HSDL2: variants seen among roughly 807,000 people sequenced by gnomAD.
HSDL2 encodes the protein hydroxysteroid dehydrogenase-like protein 2.
HSDL2 carries 27 observed loss-of-function variants against 46.3 expected under a neutral mutation model. The ratio of observed to expected loss-of-function variants is 0.58; its 90% CI spans 0.43 to 0.80. The LOEUF (loss-of-function observed/expected upper bound fraction) is 0.80. HSDL2 is among the 30% of genes least tolerant of loss of function. The pLI, the probability that HSDL2 is intolerant of heterozygous loss-of-function variation, is 0.00. For synonymous variants in HSDL2, 153 were observed against 163.6 expected (o/e 0.94, Z 0.50); for missense variants, 451 against 502.7 (o/e 0.90, Z 0.98).
At chr9:112,445,421 T>C (rs561133158) in intron 8 of HSDL2, among the ~76,000 whole-genome samples, 7 of 152,340 alleles carry the variant, frequency 4.6e-5, no homozygotes, top group Middle Eastern at 3.4e-3. Flanking sequence ...AATGGTTAAT[T>C]TGCTATGGTG....
intron 2 of HSDL2, among the ~76,000 whole-genome samples, chr9:112,405,242 C>T (rs1831698448): frequency 6.6e-6 from 1 of 152,122 alleles, no homozygotes; most frequent in Admixed American, 6.5e-5. Flanking sequence ...GTCCCAGCTA[C>T]TTGGGAAGCT....
intron 6 of HSDL2, among the ~76,000 whole-genome samples, chr9:112,427,041 A>T (rs946081162): frequency 1.3e-5 from 2 of 151,738 alleles, no homozygotes; most frequent in Non-Finnish European, 1.5e-5. Context: ...TTATATTATT[A>T]ATTAATTAAT....
intron 8 of HSDL2, among the ~76,000 whole-genome samples, chr9:112,452,522 G>A (rs144529793): frequency 0.011 from 1,698 of 152,252 alleles, 70 homozygotes; most frequent in East Asian, 0.091. Context: ...CAATGTGGGT[G>A]GATCACCTGA....
chr9:112,411,518 T>C (rs1377003834), intron 4 of HSDL2, among the ~76,000 whole-genome samples: 2 of 152,010 alleles, frequency 1.3e-5, no homozygotes, highest in African/African-American at 4.8e-5. Flanking sequence ...CTACTAAAAA[T>C]ACAAAAAATT....
chr9:112,392,154 G>A (rs1301225012), intron 1 of HSDL2, among the ~76,000 whole-genome samples: 6 of 152,166 alleles, frequency 3.9e-5, no homozygotes, highest in Admixed American at 3.3e-4. Context: ...AAAAGAGGGG[G>A]AGGTGTAAGA....
chr9:112,456,097 G>C (rs1833014862), intron 9 of HSDL2, among the ~76,000 whole-genome samples: 1 of 152,132 alleles, frequency 6.6e-6, no homozygotes, highest in African/African-American at 2.4e-5. Context: ...GCCTTCTCAG[G>C]AATTTTGTGC....
chr9:112,436,960 CTTTTTTTTTTT>C (rs780957603), intron 6 of HSDL2, among the ~76,000 whole-genome samples: 15 of 126,782 alleles, frequency 1.2e-4, no homozygotes, highest in African/African-American at 4.5e-4. Context: ...TTCTTTTTTT[CTTTTTTTTTTT>C]TTTTTTGAGA....
At chr9:112,398,705 CCAAA>C (rs902890220) in intron 1 of HSDL2, among the ~76,000 whole-genome samples, 1 of 152,020 alleles carries the variant, frequency 6.6e-6, no homozygotes, top group African/African-American at 2.4e-5. Flanking sequence ...CCCAATCACC[CCAAA>C]CAGTGACGGG....
chr9:112,467,940 A>T (rs1833442149), intron 10 of HSDL2, among the ~76,000 whole-genome samples: 1 of 152,040 alleles, frequency 6.6e-6, no homozygotes, highest in Admixed American at 6.6e-5. Flanking sequence ...CTTCCTTTAC[A>T]TCTTCAATTT....
intron 1 of HSDL2, among the ~76,000 whole-genome samples, chr9:112,403,317 A>G (rs1293792599): frequency 6.6e-6 from 1 of 152,174 alleles, no homozygotes; most frequent in Non-Finnish European, 1.5e-5. Context: ...TATTCTGGAC[A>G]TTTCATATAA....
chr9:112,392,262 C>G (rs1165779605), intron 1 of HSDL2, among the ~76,000 whole-genome samples: 2 of 152,136 alleles, frequency 1.3e-5, no homozygotes. Context: ...GGGAACAGGA[C>G]AAAGGGAAAA....
intron 8 of HSDL2, among the ~76,000 whole-genome samples, chr9:112,446,353 G>C (rs1832760240): frequency 6.6e-6 from 1 of 152,188 alleles, no homozygotes; most frequent in Non-Finnish European, 1.5e-5. Flanking sequence ...GCCTGGCTCA[G>C]TGGCTAATGC....
At chr9:112,395,721 T>C (rs1587930262) in intron 1 of HSDL2, among the ~76,000 whole-genome samples, 1 of 152,234 alleles carries the variant, frequency 6.6e-6, no homozygotes, top group South Asian at 2.1e-4. Flanking sequence ...CTCCCATAGG[T>C]TTAATTACAG....
chr9:112,417,044 C>G, intron 5 of HSDL2, 100 bp downstream of exon 5: 2 of 473,580 alleles, frequency 4.2e-6, no homozygotes, highest in Non-Finnish European at 7.7e-6. Context: ...ACATAACATT[C>G]ATCATTGAAT....
At chr9:112,443,841 C>T (rs1832694182) in intron 8 of HSDL2, among the ~76,000 whole-genome samples, 2 of 152,196 alleles carry the variant, frequency 1.3e-5, no homozygotes, top group Admixed American at 1.3e-4. Flanking sequence ...TCAGCACATT[C>T]TCTTCCTTTG....
At chr9:112,424,294 C>T (rs1587947200) in intron 6 of HSDL2, among the ~76,000 whole-genome samples, 1 of 143,408 alleles carries the variant, frequency 7.0e-6, no homozygotes, top group African/African-American at 2.5e-5. Context: ...GCACTCCAGC[C>T]GGGGCGACAG....
intron 8 of HSDL2, among the ~76,000 whole-genome samples, chr9:112,453,685 G>A (rs1157230279): frequency 6.6e-6 from 1 of 152,092 alleles, no homozygotes; most frequent in Admixed American, 6.6e-5. Context: ...GAGCCGCCAC[G>A]CCCAGCCTTG....
intron 10 of HSDL2, among the ~76,000 whole-genome samples, chr9:112,470,118 C>T (rs1833529122): frequency 6.6e-6 from 1 of 152,138 alleles, no homozygotes; most frequent in Admixed American, 6.6e-5. Context: ...CTAAAATAGA[C>T]AGTATTTGTT....
intron 6 of HSDL2, among the ~76,000 whole-genome samples, chr9:112,429,556 A>C (rs934660261): frequency 6.6e-6 from 1 of 152,210 alleles, no homozygotes; most frequent in Non-Finnish European, 1.5e-5. Flanking sequence ...CATTCATCGG[A>C]CACTTATTTT....
Sources: gnomAD v4.1 joint callset for allele counts (sites outside exome capture counted in the v4.1 genomes callset) on GRCh38, gnomAD v4.1.1 for gene constraint, MANE v1.5 for transcripts, NCBI Gene and HGNC (gene_info 2026-07-23, HGNC 2026-07-21) for gene names.